HLCS: variants seen among roughly 807,000 people sequenced by gnomAD.
HLCS encodes holocarboxylase synthetase, also known as biotin--protein ligase.
HLCS carries 53 observed loss-of-function variants against 75.0 expected under a neutral mutation model. That is an observed-to-expected ratio of 0.71 (90% CI 0.57 to 0.89). The LOEUF (loss-of-function observed/expected upper bound fraction) is 0.89, where lower values mean the gene tolerates loss of function less well. Ranked by LOEUF, HLCS falls within the 40% of genes least tolerant of loss-of-function variation. HLCS has a pLI of 0.00. For missense variants in HLCS, 966 were observed against 1,074.0 expected (o/e 0.90, Z 1.41); for synonymous variants, 431 against 428.6 (o/e 1.01, Z -0.07).
intron 1 of HLCS, chr21:36,974,512 G>A (rs1199636884): frequency 6.6e-6 from 1 of 152,224 alleles, no homozygotes; most frequent in African/African-American, 2.4e-5. Context: ...TAATGTTGAA[G>A]TTCTAACCCC....
chr21:36,940,000 G>T (rs1270645471), intron 2 of HLCS, among the ~76,000 whole-genome samples: 4 of 152,182 alleles, frequency 2.6e-5, no homozygotes, highest in African/African-American at 9.7e-5. Flanking sequence ...AGTGAGCTGA[G>T]ATCGTGCCAC....
chr21:36,934,592 C>A (rs1226591337), intron 4 of HLCS, among the ~76,000 whole-genome samples: 4 of 152,204 alleles, frequency 2.6e-5, no homozygotes, highest in Non-Finnish European at 5.9e-5. Flanking sequence ...AGCGAGCATA[C>A]AAACATTTCC....
At chr21:36,756,827 A>G in intron 9 of HLCS, 72 bp from the exon 10 acceptor site, 9 of 1,610,104 alleles carry the variant, frequency 5.6e-6, no homozygotes, top group Non-Finnish European at 7.6e-6. Context: ...CCACATGGAA[A>G]AAGTTACAGT....
intron 2 of HLCS, among the ~76,000 whole-genome samples, chr21:36,948,894 A>G (rs1259060538): frequency 6.6e-6 from 1 of 152,124 alleles, no homozygotes; most frequent in African/African-American, 2.4e-5. Flanking sequence ...CGAAACCATG[A>G]CTGACAAGAT....
At chr21:36,795,797 T>C (rs1196064755) in intron 6 of HLCS, among the ~76,000 whole-genome samples, 3 of 152,256 alleles carry the variant, frequency 2.0e-5, no homozygotes, top group Admixed American at 6.5e-5. Context: ...GTGCCTGGGA[T>C]AGTGCCCTGT....
At position 36,942,134 on chromosome 21, in the gene HLCS, TGGCACTCCAGCCTG is replaced by T. The variant is rs1042816245; in HGVS notation, c.331-3154_331-3141del. 4.6e-5 allele frequency among the ~76,000 whole-genome samples: 7 copies of T among 152,034 alleles called. No homozygotes were observed. In the East Asian group the frequency reaches 1.2e-3, roughly 25 times the overall value. On this transcript the variant is annotated intron_variant, in intron 2 of 10. Transcript: ENST00000674895. Reference sequence around the variant, plus strand: ...GTTGCAGTGAGCCAACACTCCAGCCTGGCACTCCAGCCTGGGCACTCCAGCCTGGCGACAGTCTC... The same window carrying T: ...GTTGCAGTGAGCCAACACTCCAGCCTGGCACTCCAGCCTGGCGACAGTCTC...
chr21:36,889,017 C>G (rs1354688422), intron 6 of HLCS, among the ~76,000 whole-genome samples: 2 of 152,182 alleles, frequency 1.3e-5, no homozygotes, highest in South Asian at 4.1e-4. Context: ...GGCACAGGCA[C>G]TAGGATCTCC....
chr21:36,772,283 A>C (rs922947266), intron 6 of HLCS, among the ~76,000 whole-genome samples: 5 of 152,136 alleles, frequency 3.3e-5, no homozygotes, highest in African/African-American at 9.7e-5. Context: ...TAAAAAGTGA[A>C]AAAGAAGGTT....
chr21:36,962,886 C>T (rs1057371257), intron 1 of HLCS, among the ~76,000 whole-genome samples: 7 of 151,530 alleles, frequency 4.6e-5, no homozygotes, highest in Admixed American at 1.3e-4. Flanking sequence ...AGGGCTGTTC[C>T]TTCATTCCCT....
chr21:36,804,865 T>C (rs1569034300), intron 6 of HLCS, among the ~76,000 whole-genome samples: 1 of 152,166 alleles, frequency 6.6e-6, no homozygotes, highest in South Asian at 2.1e-4. Context: ...CTATAATGAA[T>C]GAGCCAAGTA....
intron 2 of HLCS, chr21:36,947,261 A>G (rs2146584812): frequency 1.4e-6 from 1 of 711,966 alleles, no homozygotes; most frequent in Admixed American, 6.3e-5. Flanking sequence ...AAGAGGAAGG[A>G]CCGGAAGAGC....
chr21:36,783,916 C>A (rs907808028), intron 6 of HLCS, among the ~76,000 whole-genome samples: 3 of 152,312 alleles, frequency 2.0e-5, no homozygotes, highest in African/African-American at 7.2e-5. Flanking sequence ...CACCAGCCAA[C>A]ATGGCACCAT....
Position 36,937,149 on chromosome 21 carries a change from T to C in HLCS, c.737A>G (p.Tyr246Cys), listed in dbSNP as rs765150200. ...GTGGCAACTAGACAGATGGAGGTGATAATGCTCAACGGGGCCCCCTCCCCT... is the reference window on the plus strand; with the variant it reads ...GTGGCAACTAGACAGATGGAGGTGACAATGCTCAACGGGGCCCCCTCCCCT... ...SDRGGGPVEH[Y>C]HLHLSSCHEC... Residue 246 changes from tyrosine (Y) to cysteine (C), a missense_variant, in exon 4 of 11, where the codon TAT becomes TGT. By Grantham distance (194) the Tyr-to-Cys change is radical. Transcript: ENST00000674895. 6.2e-7 allele frequency: 1 copy of C among 1,614,168 alleles called. No homozygotes were observed. The highest frequency in any genetic ancestry group is 1.7e-5 in the Admixed American group (1 of 60,022).
In HLCS at chr21:36,765,066, C is replaced by A; in HGVS notation, c.2067G>T (p.Gln689His). 6.2e-7 allele frequency: 1 copy of A among 1,614,208 alleles called. No homozygotes were observed. Among genetic ancestry groups the A allele is most frequent in the South Asian group, 1.1e-5 (1 of 91,086 alleles). The change falls in exon 8 of 11, where the codon CAG becomes CAT. Residue 689 changes from glutamine to histidine, a missense_variant. Coordinates refer to ENST00000674895, the MANE Select transcript of HLCS (RefSeq NM_001352514.2). ...SQLGQRIPFVQHLMSVAVVEA... is the reference protein window; with the variant it reads ...SQLGQRIPFVHHLMSVAVVEA... ...CCACGACAGCCACGGACATCAGATG[C>A]TGGACAAACGGGATCCTCTGTCCCA...
At chr21:36,778,579 T>C (rs1318370218) in intron 6 of HLCS, among the ~76,000 whole-genome samples, 1 of 152,220 alleles carries the variant, frequency 6.6e-6, no homozygotes, top group Non-Finnish European at 1.5e-5. Context: ...GTGCCTGGCC[T>C]TGAATCAATT....
At chr21:36,824,979 T>C (rs966171416) in intron 6 of HLCS, among the ~76,000 whole-genome samples, 5 of 152,230 alleles carry the variant, frequency 3.3e-5, no homozygotes, top group African/African-American at 1.2e-4. Flanking sequence ...GAGTTTGTCC[T>C]AAAACTTCTT....
At chr21:36,891,038 T>C (rs1321048483) in intron 6 of HLCS, among the ~76,000 whole-genome samples, 1 of 152,224 alleles carries the variant, frequency 6.6e-6, no homozygotes, top group Non-Finnish European at 1.5e-5. Context: ...GTTAGATCCA[T>C]GGTTGCCTAC....
In HLCS at chr21:36,783,484, A is replaced by G. The variant is rs534943912; in HGVS notation, c.1893-16199T>C. Among the ~76,000 whole-genome samples the G allele has an allele frequency of 1.1e-4, 16 of 152,314 alleles. No individual in the cohort carries two copies. In the East Asian group the frequency reaches 2.9e-3, roughly 28 times the overall value. On this transcript the variant is annotated intron_variant, in intron 6 of 10. Transcript: ENST00000674895. ...TGAAATGAAGCATCGCATTATTTTG[A>G]TATTTACTAGGACGGCACAACAACA...
intron 6 of HLCS, among the ~76,000 whole-genome samples, chr21:36,855,450 A>G (rs956755099): frequency 2.0e-5 from 3 of 150,872 alleles, no homozygotes; most frequent in African/African-American, 7.4e-5. Flanking sequence ...AGGCAGGGGA[A>G]CTGCTTGAAC....
Sources: gnomAD v4.1 joint callset for allele counts (sites outside exome capture counted in the v4.1 genomes callset) on GRCh38, gnomAD v4.1.1 for gene constraint, MANE v1.5 for transcripts, NCBI Gene and HGNC (gene_info 2026-07-23, HGNC 2026-07-21) for gene names.